Variants in CNKSR2 observed in about 807,000 individuals in gnomAD.
CNKSR2 encodes the protein connector enhancer of kinase suppressor of Ras 2, also known as CNK homolog protein 2.
Under a neutral mutation model 84.4 loss-of-function variants are expected in CNKSR2, and 14 were observed. The ratio of observed to expected loss-of-function variants is 0.17; its 90% CI spans 0.11 to 0.26. The LOEUF (loss-of-function observed/expected upper bound fraction) is 0.26. CNKSR2 is among the 10% of genes least tolerant of loss of function. CNKSR2 has a pLI of 1.00. For missense variants in CNKSR2, 485 were observed against 771.2 expected, an observed-to-expected ratio of 0.63 and a Z score of 4.40; for synonymous variants, 275 against 277.9, an observed-to-expected ratio of 0.99 and a Z score of 0.10.
chrX:21,549,647 A>G (rs1371242962), intron 11 of CNKSR2, among the ~76,000 whole-genome samples: 5 of 111,882 alleles, frequency 4.5e-5, no homozygotes, highest in Non-Finnish European at 7.5e-5. Context: ...GAGGCATCAC[A>G]CTACCTGACT....
chrX:21,494,301 T>G (rs1306453019), intron 6 of CNKSR2: 1 of 111,986 alleles, frequency 8.9e-6, no homozygotes, highest in African/African-American at 3.2e-5. Flanking sequence ...ACACCTTTAA[T>G]TCGTAGTCAA....
At position 21,590,932 on chromosome X, in the gene CNKSR2, T is replaced by A. The variant is rs919108967; in HGVS notation, c.1658-90T>A. On this transcript the variant is annotated intron_variant, in intron 14 of 21. Coordinates refer to ENST00000379510, the MANE Select transcript of CNKSR2 (RefSeq NM_014927.5). ...TACAATATAAAAATTTTTAAGATTT[T>A]CAAGAACTCATACTTCTTTTTGGTA... The A allele has an allele frequency of 4.9e-5, 40 of 809,498 alleles. No homozygotes were observed. In the African/African-American group the frequency reaches 7.9e-4, roughly 16 times the overall value. 66.7% of individuals were successfully genotyped at this position (809,498 alleles called of 1,213,427 possible). A position where few individuals can be genotyped will look rare whatever the true frequency, so the allele number is the denominator to read the frequency against.
chrX:21,530,272 A>C (rs1472932362), intron 10 of CNKSR2, among the ~76,000 whole-genome samples: 1 of 111,654 alleles, frequency 9.0e-6, no homozygotes, highest in African/African-American at 3.2e-5. Context: ...AATGGCAACA[A>C]CACCTTGTGA....
intron 1 of CNKSR2, among the ~76,000 whole-genome samples, chrX:21,382,655 C>T (rs969280075): frequency 9.1e-6 from 1 of 110,423 alleles, no homozygotes; most frequent in Non-Finnish European, 1.9e-5. Flanking sequence ...TTAATTGGGA[C>T]GATAAAATGG....
At chrX:21,454,892 A>G (rs923105209) in intron 4 of CNKSR2, among the ~76,000 whole-genome samples, 20 of 112,108 alleles carry the variant, frequency 1.8e-4, no homozygotes, top group African/African-American at 6.5e-4. Flanking sequence ...AGGCTGGGAC[A>G]GGTTAAATGA....
At chrX:21,573,322 A>T (rs961795683) in intron 13 of CNKSR2, among the ~76,000 whole-genome samples, 2 of 111,972 alleles carry the variant, frequency 1.8e-5, no homozygotes, top group Non-Finnish European at 1.9e-5. Context: ...CTGTTGGTAG[A>T]TCTACCATTC....
At chrX:21,548,798 G>A (rs1055586640) in intron 11 of CNKSR2, among the ~76,000 whole-genome samples, 1 of 111,958 alleles carries the variant, frequency 8.9e-6, no homozygotes, top group Non-Finnish European at 1.9e-5. Context: ...ATCCATCACA[G>A]AAACAGAACC....
chrX:21,491,996 G>A (rs2091447560), intron 6 of CNKSR2: 2 of 111,088 alleles, frequency 1.8e-5, no homozygotes, highest in Non-Finnish European at 3.8e-5. Flanking sequence ...ATATAACTAT[G>A]AGAGTGATCT....
At chrX:21,576,106 A>G (rs191389017) in intron 13 of CNKSR2, among the ~76,000 whole-genome samples, 4 of 112,505 alleles carry the variant, frequency 3.6e-5, no homozygotes, top group Admixed American at 9.4e-5. Flanking sequence ...CTGACACCCA[A>G]CAACAGCAGA....
intron 5 of CNKSR2, among the ~76,000 whole-genome samples, chrX:21,472,442 A>G (rs1451108996): frequency 8.9e-6 from 1 of 111,784 alleles, no homozygotes; most frequent in Non-Finnish European, 1.9e-5. Flanking sequence ...ACTTTTCTTC[A>G]TGCATTGGCT....
chrX:21,633,172 G>A (rs1286614312), intron 20 of CNKSR2, among the ~76,000 whole-genome samples: 2 of 111,191 alleles, frequency 1.8e-5, no homozygotes, highest in East Asian at 2.8e-4. Flanking sequence ...GAGATGGTAG[G>A]AAGTCTTAAG....
intron 1 of CNKSR2, among the ~76,000 whole-genome samples, chrX:21,416,249 G>A (rs2090421070): frequency 8.9e-6 from 1 of 112,014 alleles, no homozygotes; most frequent in African/African-American, 3.2e-5. Context: ...CACATTGATT[G>A]ATTTGCATAT....
intron 11 of CNKSR2, among the ~76,000 whole-genome samples, chrX:21,545,560 C>T (rs747945747): frequency 1.2e-4 from 14 of 112,189 alleles, no homozygotes; most frequent in African/African-American, 3.6e-4. Flanking sequence ...GCACAGCGCT[C>T]GAGCTCAGCT....
intron 13 of CNKSR2, among the ~76,000 whole-genome samples, chrX:21,589,615 G>T (rs190985397): frequency 1.5e-3 from 172 of 111,946 alleles, no homozygotes; most frequent in Middle Eastern, 9.2e-3. Context: ...CCAGTGATGT[G>T]TAGTCATTAA....
chrX:21,429,479 C>A (rs1409098141), intron 2 of CNKSR2: 2 of 111,824 alleles, frequency 1.8e-5, no homozygotes, highest in Non-Finnish European at 3.8e-5. Flanking sequence ...CTTGTCAGTT[C>A]TTTAAATGGT....
intron 11 of CNKSR2, among the ~76,000 whole-genome samples, chrX:21,543,722 G>A (rs1352203363): frequency 1.8e-5 from 2 of 112,329 alleles, no homozygotes; most frequent in Non-Finnish European, 3.8e-5. Context: ...TTCCCTGTCT[G>A]TAAAATGGAA....
intron 20 of CNKSR2, among the ~76,000 whole-genome samples, chrX:21,636,661 A>T (rs767041152): frequency 9.0e-6 from 1 of 111,169 alleles, no homozygotes; most frequent in Non-Finnish European, 1.9e-5. Flanking sequence ...GGAGGAGTCA[A>T]ATATCAAGTC....
chrX:21,460,809 G>A (rs1231726186), intron 4 of CNKSR2, among the ~76,000 whole-genome samples: 1 of 111,058 alleles, frequency 9.0e-6, no homozygotes, highest in Non-Finnish European at 1.9e-5. Flanking sequence ...TTGTCTTTAG[G>A]TGCCTGGCCT....
chrX:21,597,913 T>A (rs2092458930), intron 17 of CNKSR2, among the ~76,000 whole-genome samples: 1 of 108,652 alleles, frequency 9.2e-6, no homozygotes, highest in Non-Finnish European at 1.9e-5. Flanking sequence ...GTTCCTCATT[T>A]AAAAAAAACA....
Sources: allele counts gnomAD v4.1 joint callset (sites outside exome capture counted in the v4.1 genomes callset), GRCh38; gene constraint gnomAD v4.1.1; transcripts MANE v1.5; gene names NCBI Gene and HGNC (gene_info 2026-07-23, HGNC 2026-07-21).